The following SCAND3 variants were observed in gnomAD, a reference collection of about 807,000 sequenced individuals.
SCAND3 encodes the protein SCAN domain containing 3.
At chr6:28,602,028 G>A in the SCAND3 span, among the ~76,000 whole-genome samples, 2 of 152,048 alleles carry the variant, frequency 1.3e-5, no homozygotes, top group Non-Finnish European at 2.9e-5. Context: ...GGCAGCTATG[G>A]GAACTATGGC....
chr6:28,608,046 C>T, the SCAND3 span, among the ~76,000 whole-genome samples: 2 of 152,222 alleles, frequency 1.3e-5, no homozygotes, highest in African/African-American at 4.8e-5. Context: ...GAGCGAGACC[C>T]GCTCTCTTAT....
the SCAND3 span, chr6:28,598,019 A>G: frequency 6.6e-6 from 1 of 151,592 alleles, no homozygotes; most frequent in Admixed American, 6.6e-5. Flanking sequence ...AGGTAGAAAG[A>G]CTCCCCGATG....
chr6:28,576,048 TG>T, the SCAND3 span: 4 of 1,613,810 alleles, frequency 2.5e-6, no homozygotes, highest in Admixed American at 1.7e-5. Context: ...TCATGTTTTC[TG>T]GTTCAATTTC....
At chr6:28,594,591 G>A in the SCAND3 span, among the ~76,000 whole-genome samples, 108 of 152,330 alleles carry the variant, frequency 7.1e-4, no homozygotes, top group South Asian at 5.0e-3. Context: ...GGAGGTGGAC[G>A]TTGCAGTGAG....
At chr6:28,570,900 G>A in the SCAND3 span, 2 of 152,144 alleles carry the variant, frequency 1.3e-5, no homozygotes, top group African/African-American at 4.8e-5. Context: ...AAATCTAATT[G>A]AGGTGCCAAT....
At chr6:28,583,880 T>C in the SCAND3 span, among the ~76,000 whole-genome samples, 965 of 152,328 alleles carry the variant, frequency 6.3e-3, 13 homozygotes, top group African/African-American at 0.022. Flanking sequence ...GTGTGTCAGA[T>C]TGCAGCAGCT....
chr6:28,608,352 C>T, the SCAND3 span, among the ~76,000 whole-genome samples: 1 of 152,114 alleles, frequency 6.6e-6, no homozygotes, highest in African/African-American at 2.4e-5. Context: ...CAACTGACCC[C>T]CTGGCTCCCC....
the SCAND3 span, among the ~76,000 whole-genome samples, chr6:28,612,618 T>A: frequency 6.6e-6 from 1 of 152,326 alleles, no homozygotes; most frequent in East Asian, 1.9e-4. Context: ...ATTAGTTTGA[T>A]CAGTTTTCAA....
At chr6:28,575,588 A>G in the SCAND3 span, 1 of 1,614,070 alleles carries the variant, frequency 6.2e-7, no homozygotes, top group Non-Finnish European at 8.5e-7. This position sits in a 1 kb window ranked among gnomAD's most constrained non-coding sequence, Gnocchi z 4.2. Flanking sequence ...TGGCATCTTG[A>G]ACTAACTTCC....
the SCAND3 span, among the ~76,000 whole-genome samples, chr6:28,580,417 G>A: frequency 6.7e-6 from 1 of 150,280 alleles, no homozygotes; most frequent in Non-Finnish European, 1.5e-5. Context: ...TCATGCCACT[G>A]CACGACAGAG....
At chr6:28,577,409 G>A in the SCAND3 span, among the ~76,000 whole-genome samples, 1 of 152,000 alleles carries the variant, frequency 6.6e-6, no homozygotes, top group Non-Finnish European at 1.5e-5. Context: ...CCCCTCTTAG[G>A]GGCCTGTCAG....
the SCAND3 span, among the ~76,000 whole-genome samples, chr6:28,584,366 TA>T: frequency 1.4e-5 from 2 of 145,572 alleles, no homozygotes; most frequent in African/African-American, 5.1e-5. Context: ...TGCAATGTTT[TA>T]TTTTTTTTTA....
chr6:28,575,272 T>G, the SCAND3 span: 7 of 1,613,994 alleles, frequency 4.3e-6, no homozygotes, highest in Non-Finnish European at 5.9e-6. This position sits in a 1 kb window ranked among gnomAD's most constrained non-coding sequence, Gnocchi z 4.2. Flanking sequence ...CTTTCGGATA[T>G]CCTCAGTTTG....
the SCAND3 span, chr6:28,573,703 A>G: frequency 3.1e-6 from 5 of 1,609,436 alleles, no homozygotes; most frequent in Admixed American, 1.7e-5. Flanking sequence ...ACTAGCATGA[A>G]CTCTTTTGGT....
At chr6:28,572,373 T>C in the SCAND3 span, 17 of 1,611,888 alleles carry the variant, frequency 1.1e-5, no homozygotes, top group Non-Finnish European at 1.4e-5. This position sits in a 1 kb window ranked among gnomAD's most constrained non-coding sequence, Gnocchi z 4.1. Context: ...TTCGCAGATG[T>C]GCAATATCAA....
chr6:28,583,287 G>A, the SCAND3 span, among the ~76,000 whole-genome samples: 1 of 152,234 alleles, frequency 6.6e-6, no homozygotes, highest in African/African-American at 2.4e-5. Context: ...GGAGGCTGAG[G>A]CAGGAGAATG....
chr6:28,596,621 T>A, the SCAND3 span, among the ~76,000 whole-genome samples: 26 of 149,966 alleles, frequency 1.7e-4, no homozygotes, highest in Non-Finnish European at 2.9e-4. Context: ...AAATAAAAAA[T>A]ATATATTTTT....
At chr6:28,596,162 A>G in the SCAND3 span, among the ~76,000 whole-genome samples, 1 of 152,240 alleles carries the variant, frequency 6.6e-6, no homozygotes, top group Non-Finnish European at 1.5e-5. Context: ...ATGTATATAT[A>G]AAGTTATTTG....
chr6:28,571,801 T>C, the SCAND3 span: 28 of 1,387,586 alleles, frequency 2.0e-5, no homozygotes, highest in Non-Finnish European at 3.8e-6. Flanking sequence ...TTCTCATACT[T>C]CCATAACTGT....
Sources: gnomAD v4.1 joint callset for allele counts (sites outside exome capture counted in the v4.1 genomes callset) on GRCh38, gnomAD v4.1.1 for gene constraint, Gnocchi (gnomAD v3.1) non-coding constraint, MANE v1.5 for transcripts, NCBI Gene and HGNC (gene_info 2026-07-23, HGNC 2026-07-21) for gene names.